HELLS: variants seen among roughly 807,000 people sequenced by gnomAD.
HELLS encodes lymphoid-specific helicase.
Under a neutral mutation model 120.0 loss-of-function variants are expected in HELLS, and 32 were observed. That is an observed-to-expected ratio of 0.27 (90% CI 0.20 to 0.36). The LOEUF is 0.36. Ranked by LOEUF, HELLS falls within the 10% of genes least tolerant of loss-of-function variation. The probability of loss-of-function intolerance (pLI) is 1.00; values close to 1 mark genes in which losing one functional copy is unlikely to be tolerated. For missense variants in HELLS, 650 were observed against 993.4 expected, an observed-to-expected ratio of 0.65 and a Z score of 4.65; for synonymous variants, 341 against 323.4, an observed-to-expected ratio of 1.05 and a Z score of -0.58.
intron 9 of HELLS, 48 bp downstream of exon 9, chr10:94,574,784 T>C (rs1328641898): frequency 1.4e-6 from 2 of 1,435,462 alleles, no homozygotes; most frequent in African/African-American, 2.8e-5. Flanking sequence ...CATGTTTTCT[T>C]ATGCTTTGTT....
Position 94,596,854 on chromosome 10 carries a change from T to A in HELLS, c.2249-6T>A, listed in dbSNP as rs1160546956. ...TTTAATGTTTTTAATTTCTCATTTT[T>A]TTTAGATCATTTCAAAGGTGGTCAG... On this transcript the variant is annotated splice_polypyrimidine_tract_variant and splice_region_variant and intron_variant, in intron 19 of 21. Transcript: ENST00000348459. 4 of 1,365,488 alleles carry A rather than the reference T, an allele frequency of 2.9e-6. No individual in the cohort carries two copies. The highest frequency in any genetic ancestry group is 4.1e-6 in the Non-Finnish European group (4 of 967,542). 84.6% of individuals were successfully genotyped at this position (1,365,488 alleles called of 1,614,324 possible).
intron 6 of HELLS, among the ~76,000 whole-genome samples, chr10:94,568,142 T>C (rs1459706015): frequency 6.6e-6 from 1 of 151,784 alleles, no homozygotes; most frequent in Non-Finnish European, 1.5e-5. Flanking sequence ...TCTCTTGACC[T>C]TGTGATCCAT....
chr10:94,562,060 C>T (rs1006123608), intron 4 of HELLS, among the ~76,000 whole-genome samples: 3 of 150,616 alleles, frequency 2.0e-5, no homozygotes, highest in Non-Finnish European at 3.0e-5. Context: ...GGATTACAGG[C>T]TTGAGCCACC....
At chr10:94,605,071 C>CT (rs999043081), downstream of HELLS, among the ~76,000 whole-genome samples, 32 of 48,556 alleles carry the variant, frequency 6.6e-4, 4 homozygotes, top group African/African-American at 2.3e-3. Context: ...TGTCTTGTGT[C>CT]TCCCCCCCCC....
chr10:94,590,837 A>C, intron 15 of HELLS, 61 bp downstream of exon 15: 1 of 960,390 alleles, frequency 1.0e-6, no homozygotes, highest in South Asian at 2.1e-5. Context: ...ATTGGTGGAA[A>C]GTGTTACTTT....
intron 10 of HELLS, among the ~76,000 whole-genome samples, chr10:94,580,154 T>C (rs1254406911): frequency 4.2e-5 from 2 of 48,132 alleles, no homozygotes; most frequent in East Asian, 9.0e-4. Context: ...TATATATATA[T>C]ATATATATAC....
intron 2 of HELLS, among the ~76,000 whole-genome samples, chr10:94,546,942 A>G (rs1842777511): frequency 6.6e-6 from 1 of 152,228 alleles, no homozygotes; most frequent in Admixed American, 6.5e-5. Flanking sequence ...CTGGAATCCA[A>G]GTCTAATGAT....
At chr10:94,611,431 TTAA>T (rs1392981697) in exon 10 of HELLS, 12 of 145,784 alleles carry the variant, frequency 8.2e-5, no homozygotes, top group East Asian at 3.9e-4. Flanking sequence ...TTATTAGTAA[TTAA>T]TAATAATTAA....
chr10:94,554,066 CA>C, intron 2 of HELLS, 59 bp from the exon 3 acceptor site: 36 of 1,412,694 alleles, frequency 2.5e-5, no homozygotes, highest in African/African-American at 6.1e-5. Context: ...AACTTTATGC[CA>C]AAAAAATTAA....
intron 21 of HELLS, among the ~76,000 whole-genome samples, chr10:94,598,923 TTTTC>T (rs1845883766): frequency 6.6e-6 from 1 of 152,318 alleles, no homozygotes; most frequent in Admixed American, 6.5e-5. Context: ...AGATGATCCT[TTTTC>T]TATTGGATGG....
At chr10:94,602,585 T>C (rs1449905680), downstream of HELLS, among the ~76,000 whole-genome samples, 1 of 152,184 alleles carries the variant, frequency 6.6e-6, no homozygotes, top group East Asian at 1.9e-4. Flanking sequence ...AATATTGCTG[T>C]TGCCATGTAT....
At chr10:94,554,643 T>C (rs1471602387) in intron 3 of HELLS, among the ~76,000 whole-genome samples, 2 of 140,158 alleles carry the variant, frequency 1.4e-5, no homozygotes, top group East Asian at 2.3e-4. Context: ...AAAGTAATAG[T>C]GTTTTTTTTT....
exon 10 of HELLS, chr10:94,613,749 T>A (rs1192818437): frequency 6.6e-6 from 1 of 152,200 alleles, no homozygotes; most frequent in African/African-American, 2.4e-5. Context: ...TGATATTAAC[T>A]TTTTGGAGTA....
chr10:94,602,330 A>T (rs866736632), downstream of HELLS, among the ~76,000 whole-genome samples: 13 of 152,302 alleles, frequency 8.5e-5, no homozygotes, highest in Middle Eastern at 3.4e-3. Context: ...ATCATGCAAA[A>T]CAAGACAGAC....
chr10:94,583,291 A>G (rs1238546071), intron 12 of HELLS, among the ~76,000 whole-genome samples: 1 of 152,030 alleles, frequency 6.6e-6, no homozygotes, highest in African/African-American at 2.4e-5. Context: ...TTTACCCCTA[A>G]TGGTTACTGA....
exon 10 of HELLS, chr10:94,612,514 A>G (rs1021693027): frequency 2.0e-5 from 3 of 152,192 alleles, no homozygotes; most frequent in African/African-American, 7.2e-5. Flanking sequence ...TCATGACATC[A>G]CTGATGGGTA....
downstream of HELLS, among the ~76,000 whole-genome samples, chr10:94,605,436 TGTC>T (rs893411872): frequency 6.6e-6 from 1 of 152,100 alleles, no homozygotes; most frequent in African/African-American, 2.4e-5. Context: ...TGGATTATGT[TGTC>T]TTGTGTTTTC....
At chr10:94,576,519 G>T in intron 9 of HELLS, 143 bp from the exon 10 acceptor site, 2 of 450,566 alleles carry the variant, frequency 4.4e-6, no homozygotes, top group Non-Finnish European at 7.7e-6. Context: ...TGTTAGAATT[G>T]CTTGGCTTAT....
chr10:94,606,797 T>C (rs1433491412), downstream of HELLS, among the ~76,000 whole-genome samples: 1 of 152,234 alleles, frequency 6.6e-6, no homozygotes, highest in Admixed American at 6.5e-5. Flanking sequence ...TCCTCAAATT[T>C]AAGAGCTAGA....
Sources: allele counts gnomAD v4.1 joint callset (sites outside exome capture counted in the v4.1 genomes callset), GRCh38; gene constraint gnomAD v4.1.1; transcripts MANE v1.5; gene names NCBI Gene and HGNC (gene_info 2026-07-23, HGNC 2026-07-21).